The following USP46 variants were observed in gnomAD, a reference collection of about 807,000 sequenced individuals.
USP46 encodes ubiquitin specific peptidase 46.
USP46 carries 12 observed loss-of-function variants against 44.4 expected under a neutral mutation model. That is an observed-to-expected ratio of 0.27 (90% CI 0.17 to 0.44). The LOEUF (loss-of-function observed/expected upper bound fraction) is 0.44. USP46 is among the 20% of genes least tolerant of loss of function. USP46 has a pLI of 1.00. For missense variants in USP46, 248 were observed against 444.8 expected (o/e 0.56, Z 3.98); for synonymous variants, 155 against 161.5 (o/e 0.96, Z 0.31).
intron 1 of USP46, among the ~76,000 whole-genome samples, chr4:52,646,624 G>A (rs1207429489): frequency 6.6e-6 from 1 of 151,978 alleles, no homozygotes. Flanking sequence ...ATTCCATTTT[G>A]CTAGTTATTC....
intron 1 of USP46, 119 bp downstream of exon 1, chr4:52,658,996 G>C: frequency 7.8e-7 from 1 of 1,281,524 alleles, no homozygotes; most frequent in Non-Finnish European, 1.0e-6. Flanking sequence ...GGGAACTTCT[G>C]GCGGCGCGGA....
chr4:52,598,565 A>T, intron 8 of USP46, 63 bp downstream of exon 8: 1 of 1,478,620 alleles, frequency 6.8e-7, no homozygotes, highest in Non-Finnish European at 9.3e-7. Flanking sequence ...ATGTCTATAC[A>T]TACACATTCT....
At chr4:52,645,734 ATATGGT>A (rs1718529541) in intron 1 of USP46, among the ~76,000 whole-genome samples, 3 of 152,144 alleles carry the variant, frequency 2.0e-5, no homozygotes, top group Admixed American at 2.0e-4. Flanking sequence ...AGAGGCCTTG[ATATGGT>A]TTGGCTCTGT....
rs990545126 is a variant in USP46, at chr4:52,631,158, A to G, written c.37-14T>C. 2 of 1,547,440 alleles carry G rather than the reference A, an allele frequency of 1.3e-6. No individual in the cohort carries two copies. The highest frequency in any genetic ancestry group is 2.7e-5 in the African/African-American group (2 of 73,078). On this transcript the variant is annotated splice_polypyrimidine_tract_variant and intron_variant, in intron 1 of 8. Transcript: ENST00000441222. Reference sequence around the variant, plus strand: ...GGCATTGGTGCCCTAAAAGAGAAAAATAGCAAAAGTTCTGTTGCATGTAAA... The same window carrying G: ...GGCATTGGTGCCCTAAAAGAGAAAAGTAGCAAAAGTTCTGTTGCATGTAAA...
rs192672449 is a variant in USP46 at position 52,597,785 on chromosome 4, T to G, written c.1000-44A>C. ...AAAACAACACAATTACTTAACATGA[T>G]TCCTGGGGAAAGGAAATAAAAACTA... On this transcript the variant is annotated intron_variant, in intron 8 of 8. Coordinates refer to ENST00000441222, the MANE Select transcript of USP46 (RefSeq NM_022832.4). The G allele has an allele frequency of 1.0e-4, 142 of 1,359,840 alleles. No homozygotes were observed. In the African/African-American group the frequency reaches 1.9e-3, roughly 19 times the overall value. The allele number at this position is 1,359,840 out of a possible 1,614,324, so 84.2% of individuals were successfully genotyped here.
rs1446917904 is a variant in USP46, at chr4:52,594,035, G to A, written c.*3605C>T. On this transcript the variant is annotated 3_prime_UTR_variant, in exon 9 of 9. Transcript: ENST00000441222. ...CTTTATATATTATAATGATCAGAATGTTCTGTACATTTCCACTGCTTCAAA... is the reference window on the plus strand; with the variant it reads ...CTTTATATATTATAATGATCAGAATATTCTGTACATTTCCACTGCTTCAAA... 6.6e-6 allele frequency: 1 copy of A among 152,082 alleles called. No homozygotes were observed. Among genetic ancestry groups the A allele is most frequent in the African/African-American group, 2.4e-5 (1 of 41,430 alleles). The allele number at this position is 152,082 out of a possible 1,614,324, so 9.4% of individuals were successfully genotyped here.
At chr4:52,643,054 G>A (rs1209380349) in intron 1 of USP46, among the ~76,000 whole-genome samples, 3 of 152,126 alleles carry the variant, frequency 2.0e-5, no homozygotes, top group Non-Finnish European at 4.4e-5. Flanking sequence ...GAGAAAACTG[G>A]CGATGAATTA....
At chr4:52,637,063 G>A (rs1718145248) in intron 1 of USP46, among the ~76,000 whole-genome samples, 1 of 152,034 alleles carries the variant, frequency 6.6e-6, no homozygotes, top group Admixed American at 6.6e-5. Context: ...GCCCACCTTG[G>A]CCTCCCAAAG....
At chr4:52,623,463 G>C (rs2109625123) in intron 4 of USP46, among the ~76,000 whole-genome samples, 1 of 152,226 alleles carries the variant, frequency 6.6e-6, no homozygotes. Flanking sequence ...CTAACTGTTG[G>C]AAAAGTGGAA....
Position 52,624,363 on chromosome 4 carries a change from A to G in USP46, c.561+1655T>C, listed in dbSNP as rs538672659. On this transcript the variant is annotated intron_variant, in intron 4 of 8. Transcript: ENST00000441222. Reference sequence around the variant, plus strand: ...TGTGCAGAAAGTGTTTTGACAGGATATATTTTTAAATGTTCAAGTGGTTAT... The same window carrying G: ...TGTGCAGAAAGTGTTTTGACAGGATGTATTTTTAAATGTTCAAGTGGTTAT... Among the ~76,000 whole-genome samples, 4 of 152,282 alleles carry G rather than the reference A, an allele frequency of 2.6e-5. No homozygotes were observed. The South Asian group carries it at 8.3e-4, about 32-fold the overall frequency.
chr4:52,597,434 C>T lies in USP46; in HGVS notation c.*206G>A. On this transcript the variant is annotated 3_prime_UTR_variant, in exon 9 of 9. Coordinates refer to ENST00000441222, the MANE Select transcript of USP46 (RefSeq NM_022832.4). ...TATAAATCAGACTACAATCTGATTG[C>T]AGTTAACTCTATGTCAGACTGAAAT... 2.0e-6 allele frequency: 1 copy of T among 502,628 alleles called. No homozygotes were observed. The highest frequency in any genetic ancestry group is 3.7e-5 in the East Asian group (1 of 27,306). 31.1% of individuals were successfully genotyped at this position (502,628 alleles called of 1,614,324 possible).
rs776228568 is a variant in USP46 at position 52,628,001 on chromosome 4, CCTT to C, written c.277_279del (p.Lys93del). The C allele has an allele frequency of 2.5e-6, 4 of 1,613,738 alleles. No homozygotes were observed. The highest frequency in any genetic ancestry group is 3.4e-6 in the Non-Finnish European group (4 of 1,179,844). On this transcript the variant is annotated inframe_deletion, in exon 3 of 9. Transcript: ENST00000441222. ...AACTTCTTTGGTGGGATGACGCCAA[CCTT>C]CTTCTTCTGTGTGGCAATGCTGTGG...
At chr4:52,648,841 T>C (rs1718652031) in intron 1 of USP46, among the ~76,000 whole-genome samples, 1 of 152,214 alleles carries the variant, frequency 6.6e-6, no homozygotes, top group Non-Finnish European at 1.5e-5. Flanking sequence ...TACCTCTAGT[T>C]TGCCCTGAAT....
rs150869461 is a variant in USP46, at chr4:52,647,621, A to C, written c.36+11494T>G. Among the ~76,000 whole-genome samples, 270 of 152,340 alleles carry C rather than the reference A, an allele frequency of 1.8e-3. 1 individual carries two copies. The highest frequency in any genetic ancestry group is 2.6e-3 in the Non-Finnish European group (178 of 68,028). ...GGAAAAGGAAAAACATTGTATCTTG[A>C]CTAGTGACAACAAAAGCTTGGCCAC... On this transcript the variant is annotated intron_variant, in intron 1 of 8. Transcript: ENST00000441222.
At chr4:52,600,861 A>T (rs1654225865) in intron 7 of USP46, among the ~76,000 whole-genome samples, 1 of 152,194 alleles carries the variant, frequency 6.6e-6, no homozygotes, top group Admixed American at 6.5e-5. Context: ...CTTTAGGGAG[A>T]ACACCACAAA....
Position 52,594,365 on chromosome 4 carries a change from C to T in USP46, c.*3275G>A, listed in dbSNP as rs1238940675. ...GCAACAAAATAATAGGAATGCCACA[C>T]AAATACAGTAACTATTTTGGTTATA... On this transcript the variant is annotated 3_prime_UTR_variant, in exon 9 of 9. Transcript: ENST00000441222. The T allele has an allele frequency of 6.6e-6, 1 of 152,004 alleles. No homozygotes were observed. Among genetic ancestry groups the T allele is most frequent in the African/African-American group, 2.4e-5 (1 of 41,384 alleles). The allele number at this position is 152,004 out of a possible 1,614,324, so 9.4% of individuals were successfully genotyped here. A position where few individuals can be genotyped will look rare whatever the true frequency, so the allele number is the denominator to read the frequency against.
intron 5 of USP46, 95 bp downstream of exon 5, chr4:52,610,446 G>A (rs1051804106): frequency 9.2e-7 from 1 of 1,089,502 alleles, no homozygotes; most frequent in Admixed American, 2.2e-5. Context: ...TGGTTTAACA[G>A]AAGGGAAGAT....
intron 7 of USP46, among the ~76,000 whole-genome samples, chr4:52,599,159 T>C (rs930378386): frequency 6.6e-6 from 1 of 150,902 alleles, no homozygotes. Flanking sequence ...TAATGGGATA[T>C]GAGTGATGGG....
In USP46 at chr4:52,628,138, G is replaced by A. The variant is rs1480518738; in HGVS notation, c.143C>T (p.Ser48Phe). 2 of 1,613,754 alleles carry A rather than the reference G, an allele frequency of 1.2e-6. No individual in the cohort carries two copies. Among genetic ancestry groups the A allele is most frequent in the Non-Finnish European group, 1.7e-6 (2 of 1,179,842 alleles). Residue 48 changes from serine (S) to phenylalanine (F), a missense_variant, in exon 3 of 9, where the codon TCC (serine) becomes TTC (phenylalanine). Coordinates refer to ENST00000441222, the MANE Select transcript of USP46 (RefSeq NM_022832.4). ...GCAGAAGTACAATGCCTGAAGCACG[G>A]AGTTACAGTAGCATGTGTTTCCAAA... ...VNFGNTCYCN[S>F]VLQALYFCRP...
Sources: gnomAD v4.1 joint callset for allele counts (sites outside exome capture counted in the v4.1 genomes callset) on GRCh38, gnomAD v4.1.1 for gene constraint, MANE v1.5 for transcripts, NCBI Gene and HGNC (gene_info 2026-07-23, HGNC 2026-07-21) for gene names.